GLTP: variants seen among roughly 807,000 people sequenced by gnomAD.
GLTP encodes the protein glycolipid transfer protein.
Under a neutral mutation model 24.0 loss-of-function variants are expected in GLTP, and 22 were observed. That is an observed-to-expected ratio of 0.92 (90% confidence interval 0.65 to 1.31). GLTP has a LOEUF of 1.31. Among genes scored for constraint, GLTP ranks in the 50% most tolerant of loss-of-function variants. The pLI is 0.00. For missense variants in GLTP, 224 were observed against 276.6 expected, an observed-to-expected ratio of 0.81 and a Z score of 1.35; for synonymous variants, 92 against 115.9, an observed-to-expected ratio of 0.79 and a Z score of 1.33.
At position 109,880,397 on chromosome 12, in the gene GLTP, A is replaced by T; in HGVS notation, c.-23T>A. Reference sequence around the variant, plus strand: ...CATTTCGGGGTCGAGGCCCGCGGTGATGCCCCAGCCGGCGCCGCGGGCGTC... The same window carrying T: ...CATTTCGGGGTCGAGGCCCGCGGTGTTGCCCCAGCCGGCGCCGCGGGCGTC... On this transcript the variant is annotated 5_prime_UTR_variant, in exon 1 of 5. Transcript: ENST00000318348. This position sits in a 1 kb window ranked among gnomAD's most constrained non-coding sequence, Gnocchi z 5.1. 1 of 1,287,302 alleles carries T rather than the reference A, an allele frequency of 7.8e-7. No homozygotes were observed. The highest frequency in any genetic ancestry group is 1.0e-6 in the Non-Finnish European group (1 of 956,152). 79.7% of individuals were successfully genotyped at this position (1,287,302 alleles called of 1,614,324 possible). A position where few individuals can be genotyped will look rare whatever the true frequency, so the allele number is the denominator to read the frequency against.
Position 109,857,741 on chromosome 12 carries a change from T to C in GLTP, c.163-82A>G. 1 of 1,375,078 alleles carries C rather than the reference T, an allele frequency of 7.3e-7. No homozygotes were observed. 85.2% of individuals were successfully genotyped at this position (1,375,078 alleles called of 1,614,324 possible). On this transcript the variant is annotated intron_variant, in intron 2 of 4. Coordinates refer to ENST00000318348, the MANE Select transcript of GLTP (RefSeq NM_016433.4). The surrounding 1 kb of genome is among the most constrained non-coding windows in gnomAD (Gnocchi z 4.3). The stretch of plus-strand genomic sequence containing the variant: ...CCCGCACGCTGGGTGAAAAGCACCC[T>C]ACCGGCATCTCCTGCTCCTTCCTGC...
At chr12:109,861,353 C>T (rs1222783496) in intron 1 of GLTP, among the ~76,000 whole-genome samples, 1 of 152,184 alleles carries the variant, frequency 6.6e-6, no homozygotes, top group Non-Finnish European at 1.5e-5. Flanking sequence ...ACGACCACTC[C>T]CCAGCCAAGC....
At chr12:109,853,808 T>C (rs1203137409) in intron 4 of GLTP, among the ~76,000 whole-genome samples, 1 of 151,560 alleles carries the variant, frequency 6.6e-6, no homozygotes, top group Non-Finnish European at 1.5e-5. Context: ...AGTGGCGTGA[T>C]CTTGGTTCAC....
intron 1 of GLTP, among the ~76,000 whole-genome samples, chr12:109,876,468 C>G (rs1304635111): frequency 6.6e-6 from 1 of 151,544 alleles, no homozygotes; most frequent in East Asian, 1.9e-4. Flanking sequence ...ACCACTCCAG[C>G]CTGGGTGACA....
intron 1 of GLTP, among the ~76,000 whole-genome samples, chr12:109,866,761 T>C (rs1296487644): frequency 4.4e-5 from 1 of 22,568 alleles, no homozygotes; most frequent in African/African-American, 2.9e-4. Context: ...TTGTGTATCT[T>C]TTTTTTTTTT....
chr12:109,858,637 T>C, intron 2 of GLTP, 46 bp downstream of exon 2: 2 of 1,462,306 alleles, frequency 1.4e-6, no homozygotes, highest in Non-Finnish European at 1.9e-6. Flanking sequence ...TGGGCTTAGA[T>C]TCCTAACGCA....
At chr12:109,858,338 T>C (rs1892828476) in intron 2 of GLTP, 1 of 425,888 alleles carries the variant, frequency 2.3e-6, no homozygotes, top group Admixed American at 2.7e-5. Context: ...CATCAGGAAC[T>C]ACCAGGATTG....
At chr12:109,854,137 T>C (rs1469091585) in intron 4 of GLTP, among the ~76,000 whole-genome samples, 2 of 151,818 alleles carry the variant, frequency 1.3e-5, no homozygotes, top group African/African-American at 2.4e-5. Context: ...GTGGGAGGAT[T>C]GCTTTGAGCT....
intron 1 of GLTP, among the ~76,000 whole-genome samples, chr12:109,859,553 A>C (rs530778068): frequency 6.6e-6 from 1 of 152,186 alleles, no homozygotes; most frequent in East Asian, 1.9e-4. Flanking sequence ...GATCTTGATG[A>C]TCAGGATCTT....
intron 1 of GLTP, among the ~76,000 whole-genome samples, chr12:109,861,591 T>C (rs1868372836): frequency 6.6e-6 from 1 of 151,958 alleles, no homozygotes; most frequent in South Asian, 2.1e-4. Flanking sequence ...CTACTAAAAA[T>C]ACAAAAATTA....
At chr12:109,854,535 G>C (rs531045327) in intron 4 of GLTP, among the ~76,000 whole-genome samples, 25 of 152,134 alleles carry the variant, frequency 1.6e-4, no homozygotes, top group Non-Finnish European at 3.2e-4. Context: ...CAGGGAGGTA[G>C]GATCACAGCC....
At position 109,857,506 on chromosome 12, in the gene GLTP, C is replaced by T; in HGVS notation, c.296+20G>A. The stretch of plus-strand genomic sequence containing the variant: ...TCCTCTGCAGCACAGAGCCCAGGCC[C>T]TGCCACCTGAGCCCATCACCTTTTC... On this transcript the variant is annotated intron_variant, in intron 3 of 4. Coordinates refer to ENST00000318348, the MANE Select transcript of GLTP (RefSeq NM_016433.4). This position sits in a 1 kb window ranked among gnomAD's most constrained non-coding sequence, Gnocchi z 4.3. The T allele has an allele frequency of 6.2e-7, 1 of 1,612,292 alleles. No individual in the cohort carries two copies. The highest frequency in any genetic ancestry group is 2.2e-5 in the East Asian group (1 of 44,878).
At chr12:109,877,830 G>A (rs558329887) in intron 1 of GLTP, among the ~76,000 whole-genome samples, 68 of 152,290 alleles carry the variant, frequency 4.5e-4, no homozygotes, top group South Asian at 1.0e-3. Flanking sequence ...AAAGTCACTC[G>A]TGGAAGAATC....
chr12:109,858,855 C>T, intron 1 of GLTP, 114 bp from the exon 2 acceptor site: 1 of 744,042 alleles, frequency 1.3e-6, no homozygotes, highest in Non-Finnish European at 2.4e-6. Context: ...CCGGGGAGAG[C>T]TGAGTTGTTC....
At chr12:109,860,429 GT>G in intron 1 of GLTP, 1 of 208,766 alleles carries the variant, frequency 4.8e-6, no homozygotes. Context: ...ACCTATGTGT[GT>G]TTTTAAAGAC....
At chr12:109,872,880 A>T (rs1043233715) in intron 1 of GLTP, among the ~76,000 whole-genome samples, 9 of 152,214 alleles carry the variant, frequency 5.9e-5, no homozygotes, top group African/African-American at 2.2e-4. Flanking sequence ...GGGTTAATAC[A>T]GTTTCTTGTC....
rs902182232 is a variant in GLTP at position 109,855,937 on chromosome 12, A to G, written c.297-168T>C. 6.6e-6 allele frequency among the ~76,000 whole-genome samples: 1 copy of G among 151,890 alleles called. No homozygotes were observed. The highest frequency in any genetic ancestry group is 2.4e-5 in the African/African-American group (1 of 41,322). ...CCTTCTGCTTACAAGTAACGTGACC[A>G]CTTGGCTCCATTGACTATCTCCCGA... On this transcript the variant is annotated intron_variant, in intron 3 of 4. Coordinates refer to ENST00000318348, the MANE Select transcript of GLTP (RefSeq NM_016433.4). This position sits in a 1 kb window ranked among gnomAD's most constrained non-coding sequence, Gnocchi z 4.1.
chr12:109,862,463 G>A (rs1480621767), intron 1 of GLTP, among the ~76,000 whole-genome samples: 1 of 152,216 alleles, frequency 6.6e-6, no homozygotes, highest in African/African-American at 2.4e-5. Context: ...GCCAGGGGGT[G>A]CAAATTCCAA....
rs749246606 is a variant in GLTP, at chr12:109,852,667, T to C, written c.518A>G (p.Glu173Gly). 6.2e-7 allele frequency: 1 copy of C among 1,608,888 alleles called. No homozygotes were observed. The highest frequency in any genetic ancestry group is 8.5e-7 in the Non-Finnish European group (1 of 1,175,376). The change falls in exon 5 of 5, where the codon GAG (glutamate) becomes GGG (glycine). Residue 173 changes from glutamate (E) to glycine (G), a missense_variant. Coordinates refer to ENST00000318348, the MANE Select transcript of GLTP (RefSeq NM_016433.4). ...GCGGATCTTCTCCAGGCACTCCTCC[T>C]CCGTAACATTCTGCCCCTTGGAGAG... is the stretch of plus-strand genomic sequence containing the variant. ...KALSKGQNVT[E>G]EECLEKIRLF...
Sources: allele counts gnomAD v4.1 joint callset (sites outside exome capture counted in the v4.1 genomes callset), GRCh38; gene constraint gnomAD v4.1.1; non-coding constraint Gnocchi (gnomAD v3.1); transcripts MANE v1.5; gene names NCBI Gene and HGNC (gene_info 2026-07-23, HGNC 2026-07-21).